Variants in EDAR observed in about 807,000 individuals in gnomAD.
EDAR encodes the protein tumor necrosis factor receptor superfamily member EDAR.
In EDAR, 38 loss-of-function variants were observed where a neutral mutation model predicts 51.3. The observed-to-expected ratio is 0.74, with a 90% CI of 0.57 to 0.97. The LOEUF (loss-of-function observed/expected upper bound fraction) is 0.97. Ranked by LOEUF, EDAR falls within the 50% of genes least tolerant of loss-of-function variation. The pLI is 0.00. For synonymous variants in EDAR, 227 were observed against 242.1 expected, an observed-to-expected ratio of 0.94 and a Z score of 0.58; for missense variants, 528 against 595.0, an observed-to-expected ratio of 0.89 and a Z score of 1.17.
intron 1 of EDAR, among the ~76,000 whole-genome samples, chr2:108,947,039 A>G (rs1248825553): frequency 1.3e-5 from 2 of 152,346 alleles, no homozygotes; most frequent in African/African-American, 4.8e-5. Context: ...AATCAAAAGC[A>G]AGTTAGTTAC....
chr2:108,924,016 C>T (rs1697202773), intron 4 of EDAR, among the ~76,000 whole-genome samples: 1 of 152,246 alleles, frequency 6.6e-6, no homozygotes, highest in African/African-American at 2.4e-5. Context: ...GCAGGTGGCC[C>T]TCATGATAGC....
At chr2:108,919,484 G>T (rs1277738334) in intron 5 of EDAR, among the ~76,000 whole-genome samples, 3 of 152,028 alleles carry the variant, frequency 2.0e-5, no homozygotes, top group Non-Finnish European at 4.4e-5. Flanking sequence ...TCAGCCTCCC[G>T]AGTAGCTGGG....
intron 1 of EDAR, among the ~76,000 whole-genome samples, chr2:108,988,331 TCTAGGAGCCCAA>T (rs1355195861): frequency 6.6e-6 from 1 of 152,098 alleles, no homozygotes; most frequent in Non-Finnish European, 1.5e-5. Context: ...CCGACTCCTG[TCTAGGAGCCCAA>T]CCCACCCCAC....
chr2:108,922,474 A>G (rs1697161873), intron 5 of EDAR, among the ~76,000 whole-genome samples: 1 of 152,200 alleles, frequency 6.6e-6, no homozygotes, highest in Non-Finnish European at 1.5e-5. Context: ...CACAGCACAG[A>G]ACCCTCCTCC....
intron 1 of EDAR, among the ~76,000 whole-genome samples, chr2:108,980,577 C>T (rs1177191225): frequency 6.6e-6 from 1 of 152,006 alleles, no homozygotes; most frequent in Non-Finnish European, 1.5e-5. Context: ...GTTGAGTGGA[C>T]ACTGTTATGG....
At chr2:108,905,376 G>A (rs2105387546) in intron 11 of EDAR, among the ~76,000 whole-genome samples, 1 of 152,318 alleles carries the variant, frequency 6.6e-6, no homozygotes, top group African/African-American at 2.4e-5. Context: ...AGGCTGACCT[G>A]GGGCATGCGT....
chr2:108,975,460 G>A (rs1698306141), intron 1 of EDAR, among the ~76,000 whole-genome samples: 1 of 152,172 alleles, frequency 6.6e-6, no homozygotes. Context: ...AGCAAGACCT[G>A]CGTCTACTTT....
intron 1 of EDAR, 36 bp from the exon 2 acceptor site, chr2:108,931,068 T>C: frequency 6.3e-7 from 1 of 1,583,772 alleles, no homozygotes; most frequent in Non-Finnish European, 8.7e-7. Context: ...GCACTGGCGG[T>C]AGCACCCCAG....
intron 1 of EDAR, among the ~76,000 whole-genome samples, chr2:108,973,064 G>A (rs935685253): frequency 1.3e-5 from 2 of 151,996 alleles, no homozygotes; most frequent in South Asian, 2.1e-4. Context: ...TCAGCTCACC[G>A]TAACCTCTGC....
In EDAR at chr2:108,897,098, C is replaced by T. The variant is rs149835516; in HGVS notation, c.1156G>A (p.Asp386Asn). The T allele has an allele frequency of 1.7e-5, 27 of 1,614,048 alleles. No homozygotes were observed. Among genetic ancestry groups the T allele is most frequent in the African/African-American group, 9.3e-5 (7 of 74,936 alleles). Residue 386 changes from aspartate to asparagine, a missense_variant, in exon 12 of 12, where the codon GAT (aspartate) becomes AAT (asparagine). By Grantham distance (23) the Asp-to-Asn change is conservative (BLOSUM62 1). Coordinates refer to ENST00000258443, the MANE Select transcript of EDAR (RefSeq NM_022336.4). ...CCGTCTGTCATGCCCCCAATCTCAT[C>T]CCTCTTCAGGCCGAAGCTCTCGGCG... is the stretch of plus-strand genomic sequence containing the variant. Reference protein sequence around the residue: ...HLAESFGLKRDEIGGMTDGMQ... With the variant: ...HLAESFGLKRNEIGGMTDGMQ...
chr2:108,914,617 C>G (rs568066625), intron 5 of EDAR, among the ~76,000 whole-genome samples: 20 of 152,336 alleles, frequency 1.3e-4, no homozygotes, highest in African/African-American at 4.8e-4. Flanking sequence ...TGTTCCAGAC[C>G]TCCTAAAAGA....
chr2:108,974,067 C>T (rs6708350), intron 1 of EDAR, among the ~76,000 whole-genome samples: 29,956 of 151,788 alleles, frequency 0.2, 4,454 homozygotes, highest in East Asian at 0.84. Context: ...CGGTGGCTCA[C>T]GCCTGTAATC....
intron 5 of EDAR, among the ~76,000 whole-genome samples, chr2:108,916,189 A>G (rs768300442): frequency 6.6e-6 from 1 of 152,216 alleles, no homozygotes; most frequent in Non-Finnish European, 1.5e-5. Context: ...GAGATTGAAA[A>G]GAAGCTGATC....
chr2:108,979,179 T>C (rs963791232), intron 1 of EDAR, among the ~76,000 whole-genome samples: 1 of 152,196 alleles, frequency 6.6e-6, no homozygotes, highest in African/African-American at 2.4e-5. Flanking sequence ...GCCCGAGTAC[T>C]TGACCCTTAC....
chr2:108,921,690 T>TGAGACCAGGGC (rs1697144574), intron 5 of EDAR, among the ~76,000 whole-genome samples: 1 of 152,162 alleles, frequency 6.6e-6, no homozygotes, highest in African/African-American at 2.4e-5. Context: ...ATCTCTGGAT[T>TGAGACCAGGGC]GAGACCAGGG....
intron 5 of EDAR, among the ~76,000 whole-genome samples, chr2:108,915,681 C>T (rs1289377401): frequency 6.6e-6 from 1 of 152,094 alleles, no homozygotes; most frequent in African/African-American, 2.4e-5. Flanking sequence ...GGGAGGATCA[C>T]CTAAGAGGAG....
At chr2:108,902,793 T>G (rs1038752550) in intron 11 of EDAR, among the ~76,000 whole-genome samples, 3 of 152,186 alleles carry the variant, frequency 2.0e-5, no homozygotes, top group Non-Finnish European at 4.4e-5. Flanking sequence ...AGAGCTAATA[T>G]TATACTTAAT....
At chr2:108,980,343 G>C (rs1698398174) in intron 1 of EDAR, among the ~76,000 whole-genome samples, 1 of 152,108 alleles carries the variant, frequency 6.6e-6, no homozygotes. Flanking sequence ...CCCTTGGGAG[G>C]CTCTGGAGAG....
At position 108,944,508 on chromosome 2, in the gene EDAR, T is replaced by C. The variant is rs1025106960; in HGVS notation, c.-18-13476A>G. Among the ~76,000 whole-genome samples the C allele has an allele frequency of 7.2e-5, 11 of 152,214 alleles. 1 individual carries two copies. Among genetic ancestry groups the C allele is most frequent in the Admixed American group, 5.9e-4 (9 of 15,292 alleles). The stretch of plus-strand genomic sequence containing the variant: ...GCCAATGCTGTTGCCTCTAACCTCA[T>C]GGGGCTGTTAATCTGGCTGTGGGTG... On this transcript the variant is annotated intron_variant, in intron 1 of 11. Coordinates refer to ENST00000258443, the MANE Select transcript of EDAR (RefSeq NM_022336.4).
Sources: allele counts gnomAD v4.1 joint callset (sites outside exome capture counted in the v4.1 genomes callset), GRCh38; gene constraint gnomAD v4.1.1; transcripts MANE v1.5; gene names NCBI Gene and HGNC (gene_info 2026-07-23, HGNC 2026-07-21).